Variants in FAM227B observed in about 807,000 individuals in gnomAD.
FAM227B encodes family with sequence similarity 227 member B, also known as protein FAM227B.
A neutral mutation model predicts 73.8 loss-of-function variants in FAM227B; 88 were observed. The ratio of observed to expected loss-of-function variants is 1.19; its 90% CI spans 1.00 to 1.42. The LOEUF is 1.42. Among genes scored for constraint, FAM227B ranks in the 40% most tolerant of loss-of-function variants. FAM227B has a pLI of 0.00. For synonymous variants in FAM227B, 210 were observed against 190.5 expected, an observed-to-expected ratio of 1.10 and a Z score of -0.84; for missense variants, 632 against 590.9, an observed-to-expected ratio of 1.07 and a Z score of -0.72.
chr15:49,418,330 T>C (rs1360405891), intron 11 of FAM227B, among the ~76,000 whole-genome samples: 1 of 152,168 alleles, frequency 6.6e-6, no homozygotes, highest in East Asian at 1.9e-4. Flanking sequence ...CAAAGGAATA[T>C]AAATCATTCT....
chr15:49,526,895 C>A (rs189832219), intron 10 of FAM227B, among the ~76,000 whole-genome samples: 2 of 151,516 alleles, frequency 1.3e-5, no homozygotes, highest in African/African-American at 4.8e-5. Flanking sequence ...AAAATTGAAT[C>A]AATTAAAAAA....
Position 49,589,771 on chromosome 15 carries a change from C to A in FAM227B, c.337+5G>T. ...CTATAAAAGATAAAAATAAATAAGG[C>A]TCACTTGTCTCAGAAATCATGCTTT... On this transcript the variant is annotated splice_donor_5th_base_variant and intron_variant, in intron 4 of 15. Coordinates refer to ENST00000299338, the MANE Select transcript of FAM227B (RefSeq NM_152647.3). The A allele has an allele frequency of 6.6e-7, 1 of 1,511,392 alleles. No homozygotes were observed. The highest frequency in any genetic ancestry group is 2.3e-5 in the East Asian group (1 of 44,296). The allele number at this position is 1,511,392 out of a possible 1,614,324, so 93.6% of individuals were successfully genotyped here.
At chr15:49,579,964 C>A (rs1448705987) in intron 5 of FAM227B, among the ~76,000 whole-genome samples, 2 of 152,086 alleles carry the variant, frequency 1.3e-5, no homozygotes, top group East Asian at 3.9e-4. Context: ...TAAGGTTAAT[C>A]TCCAAGTCCT....
chr15:49,493,378 T>C (rs1246571517), intron 11 of FAM227B, among the ~76,000 whole-genome samples: 1 of 152,004 alleles, frequency 6.6e-6, no homozygotes, highest in Non-Finnish European at 1.5e-5. Flanking sequence ...GTTCACAAAC[T>C]TCATAGTATC....
chr15:49,497,305 A>G (rs1334111211), intron 11 of FAM227B, among the ~76,000 whole-genome samples: 3 of 152,188 alleles, frequency 2.0e-5, no homozygotes, highest in Non-Finnish European at 2.9e-5. Flanking sequence ...CATGATCTGA[A>G]TCTTATGTTC....
At chr15:49,330,413 G>A (rs771516567) in intron 15 of FAM227B, 1 of 152,152 alleles carries the variant, frequency 6.6e-6, no homozygotes, top group Non-Finnish European at 1.5e-5. Context: ...TCCAAATCAG[G>A]AGATTGTACA....
chr15:49,403,408 G>T lies in FAM227B; in HGVS notation c.1013-32009C>A, dbSNP rs566222505. 2.0e-5 allele frequency among the ~76,000 whole-genome samples: 3 copies of T among 152,182 alleles called. No individual in the cohort carries two copies. In the East Asian group the frequency reaches 5.8e-4, roughly 29 times the overall value. On this transcript the variant is annotated intron_variant, in intron 11 of 15. Transcript: ENST00000299338. ...ATCTGGTCCTGCATTTTTATTGGTT[G>T]GTAGGCTATTTATTATCGCCTTAAT...
chr15:49,348,033 A>G (rs1241726122), intron 13 of FAM227B, among the ~76,000 whole-genome samples: 1 of 151,764 alleles, frequency 6.6e-6, no homozygotes, highest in Non-Finnish European at 1.5e-5. Flanking sequence ...AAAAAAAAAA[A>G]AAAAAAAAAG....
chr15:49,484,060 C>T (rs2056187268), intron 11 of FAM227B, among the ~76,000 whole-genome samples: 1 of 151,908 alleles, frequency 6.6e-6, no homozygotes, highest in South Asian at 2.1e-4. Context: ...CATGAACTTC[C>T]AAAAAGCTAC....
chr15:49,611,310 C>T (rs1392687821), intron 2 of FAM227B, 42 bp from the exon 3 acceptor site: 2 of 1,014,868 alleles, frequency 2.0e-6, no homozygotes, highest in Non-Finnish European at 3.0e-6. Flanking sequence ...CATAAACTCA[C>T]TAGACTGTTC....
At chr15:49,431,342 T>C (rs1389432076) in intron 11 of FAM227B, among the ~76,000 whole-genome samples, 1 of 151,836 alleles carries the variant, frequency 6.6e-6, no homozygotes, top group South Asian at 2.1e-4. Flanking sequence ...TCTGGACATA[T>C]CTTTAGTAGA....
chr15:49,479,597 C>CTTTTTTTTTTT (rs1567359064), intron 11 of FAM227B, among the ~76,000 whole-genome samples: 2 of 102,078 alleles, frequency 2.0e-5, no homozygotes, highest in African/African-American at 4.2e-5. Context: ...GTTAATACCT[C>CTTTTTTTTTTT]TGTTTTTTTT....
intron 11 of FAM227B, among the ~76,000 whole-genome samples, chr15:49,430,137 G>A (rs981341669): frequency 2.0e-5 from 3 of 151,878 alleles, no homozygotes; most frequent in African/African-American, 7.2e-5. Flanking sequence ...CCAACATTTG[G>A]TGAACTGGCC....
chr15:49,442,543 C>G (rs181297696), intron 11 of FAM227B, among the ~76,000 whole-genome samples: 6 of 151,824 alleles, frequency 4.0e-5, no homozygotes, highest in African/African-American at 1.4e-4. Context: ...TATATTACCT[C>G]TTTTCCAATT....
At chr15:49,471,009 A>G (rs575063679) in intron 11 of FAM227B, among the ~76,000 whole-genome samples, 1 of 152,372 alleles carries the variant, frequency 6.6e-6, no homozygotes, top group South Asian at 2.1e-4. Context: ...CAATTCATGT[A>G]TAATATAAAC....
chr15:49,532,041 T>C (rs1356526222), intron 10 of FAM227B, among the ~76,000 whole-genome samples: 1 of 149,158 alleles, frequency 6.7e-6, no homozygotes, highest in African/African-American at 2.4e-5. Flanking sequence ...TATATAGCTA[T>C]TTAAGGGAAT....
At position 49,525,697 on chromosome 15, in the gene FAM227B, T is replaced by C. The variant is rs1172871950; in HGVS notation, c.874+15983A>G. ...ATATATATATATATATATATATATA[T>C]ATATATATATATATATATATATCAC... On this transcript the variant is annotated intron_variant, in intron 10 of 15. Coordinates refer to ENST00000299338, the MANE Select transcript of FAM227B (RefSeq NM_152647.3). Among the ~76,000 whole-genome samples, 182 of 63,428 alleles carry C rather than the reference T, an allele frequency of 2.9e-3. 2 individuals are homozygous for C. The highest frequency in any genetic ancestry group is 5.3e-3 in the Non-Finnish European group (124 of 23,594). 41.6% of individuals were successfully genotyped at this position (63,428 alleles called of 152,430 possible).
intron 11 of FAM227B, among the ~76,000 whole-genome samples, chr15:49,459,222 G>C (rs1341787476): frequency 6.6e-6 from 1 of 152,188 alleles, no homozygotes; most frequent in African/African-American, 2.4e-5. Context: ...GTCCTGGCCA[G>C]AGGAGGAGAG....
intron 13 of FAM227B, among the ~76,000 whole-genome samples, chr15:49,350,324 A>T (rs1050887989): frequency 6.6e-6 from 1 of 152,186 alleles, no homozygotes; most frequent in African/African-American, 2.4e-5. Context: ...GCTAGTGGCT[A>T]CCATACTGGA....
Sources: allele counts gnomAD v4.1 joint callset (sites outside exome capture counted in the v4.1 genomes callset), GRCh38; gene constraint gnomAD v4.1.1; transcripts MANE v1.5; gene names NCBI Gene and HGNC (gene_info 2026-07-23, HGNC 2026-07-21).